RBFOX1: variants seen among roughly 807,000 people sequenced by gnomAD.
RBFOX1 encodes RNA binding protein fox-1 homolog 1.
In RBFOX1, 8 loss-of-function variants were observed where a neutral mutation model predicts 57.7. That is an observed-to-expected ratio of 0.14 (90% confidence interval 0.08 to 0.25). The LOEUF (loss-of-function observed/expected upper bound fraction) is 0.25, where lower values mean the gene tolerates loss of function less well. RBFOX1 is among the 10% of genes least tolerant of loss of function. The pLI, the probability that RBFOX1 is intolerant of heterozygous loss-of-function variation, is 1.00. For synonymous variants in RBFOX1, 326 were observed against 222.4 expected (o/e 1.47, Z -4.15); for missense variants, 611 against 548.5 (o/e 1.11, Z -1.14).
chr16:7,027,103 GTC>G (rs1394386729), intron 3 of RBFOX1, among the ~76,000 whole-genome samples: 1 of 152,048 alleles, frequency 6.6e-6, no homozygotes, highest in Admixed American at 6.6e-5. Flanking sequence ...TCCTGAACCC[GTC>G]TCTCCTAAAC....
chr16:7,702,374 GGGACCTCTCTGCAGT>G (rs542200371), intron 14 of RBFOX1, among the ~76,000 whole-genome samples: 125 of 152,258 alleles, frequency 8.2e-4, no homozygotes, highest in African/African-American at 3.0e-3. Context: ...AGAAGCTGAG[GGGACCTCTCTGCAGT>G]TGCAGAATTG....
intron 3 of RBFOX1, among the ~76,000 whole-genome samples, chr16:5,816,171 C>A (rs893730346): frequency 7.2e-5 from 11 of 152,170 alleles, no homozygotes; most frequent in African/African-American, 2.7e-4. Context: ...CTTAAAGATG[C>A]TCCTCATCCT....
intron 3 of RBFOX1, among the ~76,000 whole-genome samples, chr16:7,027,908 AAGAAAAGAAG>A (rs2041466466): frequency 6.6e-6 from 1 of 151,534 alleles, no homozygotes; most frequent in Non-Finnish European, 1.5e-5. Flanking sequence ...AGAAGGGAGG[AAGAAAAGAAG>A]GGAAAAGAGA....
At chr16:6,526,394 C>T (rs143206617) in intron 2 of RBFOX1, among the ~76,000 whole-genome samples, 1 of 152,150 alleles carries the variant, frequency 6.6e-6, no homozygotes, top group Non-Finnish European at 1.5e-5. Flanking sequence ...TGAGTCGAAT[C>T]ATCAATCAAG....
chr16:7,425,836 C>A (rs961223048), intron 4 of RBFOX1, among the ~76,000 whole-genome samples: 1 of 152,078 alleles, frequency 6.6e-6, no homozygotes, highest in African/African-American at 2.4e-5. Context: ...AAAATACTGC[C>A]TTGTTAATTT....
At chr16:6,205,067 G>T (rs2152836927) in intron 1 of RBFOX1, among the ~76,000 whole-genome samples, 1 of 152,256 alleles carries the variant, frequency 6.6e-6, no homozygotes, top group East Asian at 1.9e-4. Flanking sequence ...TAGGACACTA[G>T]ATTCTATTAT....
At chr16:7,069,111 C>A (rs79452211) in intron 4 of RBFOX1, among the ~76,000 whole-genome samples, 2 of 152,154 alleles carry the variant, frequency 1.3e-5, no homozygotes, top group Admixed American at 1.3e-4. Context: ...ATTATTTTAT[C>A]ACCCACTCCT....
intron 14 of RBFOX1, among the ~76,000 whole-genome samples, chr16:7,690,146 G>C (rs2077005459): frequency 6.6e-6 from 1 of 152,064 alleles, no homozygotes; most frequent in Non-Finnish European, 1.5e-5. Context: ...GTCACCTATA[G>C]AGCATTTTCC....
rs1408772403 is a variant in RBFOX1, at chr16:5,519,878, C to A, written c.258+52624C>A. Among the ~76,000 whole-genome samples the A allele has an allele frequency of 2.0e-5, 3 of 152,230 alleles. No homozygotes were observed. The East Asian group carries it at 5.8e-4, about 29-fold the overall frequency. ...TTATTCATGAATGCATTCATTCATT[C>A]AATAATTCTTTATTGAGCCCATACT... On this transcript the variant is annotated intron_variant, in intron 2 of 2. Coordinates refer to the RBFOX1 transcript ENST00000585867.
At chr16:6,079,853 C>G (rs544395046) in intron 1 of RBFOX1, among the ~76,000 whole-genome samples, 49 of 152,178 alleles carry the variant, frequency 3.2e-4, no homozygotes, top group Middle Eastern at 3.4e-3. Context: ...AAAGAAAAAG[C>G]CTTTTTCTTG....
chr16:6,955,786 A>C (rs2081686219), intron 3 of RBFOX1, among the ~76,000 whole-genome samples: 1 of 151,688 alleles, frequency 6.6e-6, no homozygotes, highest in Non-Finnish European at 1.5e-5. Context: ...GCTCACTGCA[A>C]CCTCCATTTC....
intron 4 of RBFOX1, among the ~76,000 whole-genome samples, chr16:7,460,668 C>T (rs1042291686): frequency 6.6e-6 from 1 of 151,492 alleles, no homozygotes; most frequent in Non-Finnish European, 1.5e-5. Flanking sequence ...ACCACCATGA[C>T]ACACGTTTAC....
chr16:6,397,741 G>A (rs2092900905), intron 2 of RBFOX1, among the ~76,000 whole-genome samples: 1 of 152,228 alleles, frequency 6.6e-6, no homozygotes, highest in Admixed American at 6.5e-5. Flanking sequence ...TGATGAGAAT[G>A]TGAAGCAAAA....
intron 3 of RBFOX1, among the ~76,000 whole-genome samples, chr16:6,935,647 A>T (rs1023398505): frequency 6.6e-6 from 1 of 152,210 alleles, no homozygotes; most frequent in Admixed American, 6.5e-5. Context: ...TACTTTGCTG[A>T]CATCTTATTC....
At chr16:5,326,096 G>T (rs2064562007) in intron 1 of RBFOX1, among the ~76,000 whole-genome samples, 1 of 149,936 alleles carries the variant, frequency 6.7e-6, no homozygotes, top group Non-Finnish European at 1.5e-5. Context: ...GAGAGTTCCA[G>T]TTGCTCCACA....
chr16:7,388,614 C>T (rs1004458497), intron 4 of RBFOX1, among the ~76,000 whole-genome samples: 1 of 149,044 alleles, frequency 6.7e-6, no homozygotes, highest in Admixed American at 6.7e-5. Flanking sequence ...CACATCCAGG[C>T]AGTCCCCAAC....
intron 3 of RBFOX1, among the ~76,000 whole-genome samples, chr16:6,906,243 C>A (rs189614107): frequency 1.3e-3 from 192 of 151,980 alleles, no homozygotes; most frequent in African/African-American, 4.4e-3. Context: ...TTTATTACCC[C>A]CCCCCAAAAT....
chr16:5,718,103 A>C (rs1454901197), intron 3 of RBFOX1, among the ~76,000 whole-genome samples: 1 of 152,240 alleles, frequency 6.6e-6, no homozygotes, highest in Non-Finnish European at 1.5e-5. Flanking sequence ...ATGCACACAT[A>C]GGGCAAGCAT....
At chr16:6,306,270 G>T (rs548187830) in intron 1 of RBFOX1, among the ~76,000 whole-genome samples, 13 of 152,210 alleles carry the variant, frequency 8.5e-5, no homozygotes, top group Non-Finnish European at 1.8e-4. Context: ...GCTTTGCTAG[G>T]GAGGCAGTAT....
Sources: allele counts gnomAD v4.1 joint callset (sites outside exome capture counted in the v4.1 genomes callset), GRCh38; gene constraint gnomAD v4.1.1; transcripts MANE v1.5; gene names NCBI Gene and HGNC (gene_info 2026-07-23, HGNC 2026-07-21).